The following EEF2K variants were observed in gnomAD, a reference collection of about 807,000 sequenced individuals.
EEF2K encodes the protein eukaryotic elongation factor 2 kinase.
A neutral mutation model predicts 93.8 loss-of-function variants in EEF2K; 70 were observed. The observed-to-expected ratio is 0.75, with a 90% confidence interval of 0.62 to 0.91. The LOEUF (loss-of-function observed/expected upper bound fraction) is 0.91. Ranked by LOEUF, EEF2K falls within the 40% of genes least tolerant of loss-of-function variation. The pLI is 0.00. For synonymous variants in EEF2K, 376 were observed against 380.8 expected (o/e 0.99, Z 0.15); for missense variants, 935 against 972.9 (o/e 0.96, Z 0.52).
intron 2 of EEF2K, among the ~76,000 whole-genome samples, chr16:22,244,270 TGTG>T (rs1200868808): frequency 3.8e-4 from 13 of 34,166 alleles, no homozygotes; most frequent in East Asian, 2.0e-3. Flanking sequence ...ATATATGTAT[TGTG>T]TGTGTGTGTG....
chr16:22,275,488 GC>G (rs2047625668), intron 16 of EEF2K, among the ~76,000 whole-genome samples: 1 of 151,474 alleles, frequency 6.6e-6, no homozygotes. Context: ...TATTACAGGT[GC>G]CTGCCACTGT....
chr16:22,234,162 C>T (rs567801670), intron 2 of EEF2K, among the ~76,000 whole-genome samples: 14 of 152,202 alleles, frequency 9.2e-5, no homozygotes, highest in Non-Finnish European at 1.3e-4. Context: ...TCGGTTGCTC[C>T]TCAAAGAGGT....
At chr16:22,269,700 C>T (rs1445655874) in intron 15 of EEF2K, among the ~76,000 whole-genome samples, 1 of 152,122 alleles carries the variant, frequency 6.6e-6, no homozygotes, top group African/African-American at 2.4e-5. Flanking sequence ...CAGTGCCCAG[C>T]CAGTATAACT....
At chr16:22,248,957 T>A (rs2047321898) in intron 4 of EEF2K, 142 bp downstream of exon 4, 1 of 865,526 alleles carries the variant, frequency 1.2e-6, no homozygotes. Context: ...TGTTTATTTA[T>A]TGGTTGTAGC....
chr16:22,252,772 C>T (rs1177035893), intron 6 of EEF2K, among the ~76,000 whole-genome samples: 1 of 152,118 alleles, frequency 6.6e-6, no homozygotes, highest in African/African-American at 2.4e-5. Context: ...GCTGGGGAGG[C>T]CTCACAATCA....
At chr16:22,260,420 A>G (rs749015105) in intron 10 of EEF2K, 42 bp from the exon 11 acceptor site, 4 of 1,612,442 alleles carry the variant, frequency 2.5e-6, no homozygotes, top group South Asian at 1.1e-5. Flanking sequence ...TGCATGTTCC[A>G]GTAGTGGAAC....
At chr16:22,263,333 T>C (rs1598197701) in intron 12 of EEF2K, 146 bp downstream of exon 12, 1 of 630,464 alleles carries the variant, frequency 1.6e-6, no homozygotes, top group South Asian at 2.4e-5. Flanking sequence ...TTCAGGCCGG[T>C]CATGGTGGCT....
chr16:22,268,247 C>T (rs1038794166), intron 15 of EEF2K, among the ~76,000 whole-genome samples: 9 of 151,938 alleles, frequency 5.9e-5, no homozygotes, highest in South Asian at 4.2e-4. Flanking sequence ...GGTGCGATCT[C>T]GGCTCAATGC....
At chr16:22,258,907 C>CT (rs2047436094) in intron 10 of EEF2K, 1 of 548,912 alleles carries the variant, frequency 1.8e-6, no homozygotes, top group Non-Finnish European at 3.0e-6. Context: ...AACAAAGTAA[C>CT]TTTTATCAGT....
intron 1 of EEF2K, among the ~76,000 whole-genome samples, chr16:22,212,291 G>A (rs2046922152): frequency 6.6e-6 from 1 of 151,900 alleles, no homozygotes; most frequent in East Asian, 1.9e-4. Flanking sequence ...GCAGCAGGTT[G>A]CTGTTTACAT....
At chr16:22,213,011 G>A (rs1355392508) in intron 1 of EEF2K, among the ~76,000 whole-genome samples, 1 of 152,102 alleles carries the variant, frequency 6.6e-6, no homozygotes, top group African/African-American at 2.4e-5. Context: ...CAGGCACAGT[G>A]GCTCACGCCT....
Position 22,225,978 on chromosome 16 carries a change from G to C in EEF2K, c.246+3G>C, listed in dbSNP as rs746409325. 3.1e-6 allele frequency: 5 copies of C among 1,613,468 alleles called. No individual in the cohort carries two copies. The highest frequency in any genetic ancestry group is 1.7e-6 in the Non-Finnish European group (2 of 1,179,488). On this transcript the variant is annotated splice_donor_region_variant and intron_variant, in intron 2 of 17. Coordinates refer to ENST00000263026, the MANE Select transcript of EEF2K (RefSeq NM_013302.5). ...CGGCAAACTCCTTCCACTTCAAGGT[G>C]AGTGAGCCACCTATTCCACCTTCCC...
At chr16:22,259,306 G>T (rs2047440149) in intron 10 of EEF2K, among the ~76,000 whole-genome samples, 1 of 152,238 alleles carries the variant, frequency 6.6e-6, no homozygotes, top group African/African-American at 2.4e-5. Context: ...TTCAGGGAAA[G>T]TGTGAGCGGG....
intron 1 of EEF2K, among the ~76,000 whole-genome samples, chr16:22,211,450 T>C (rs1001387353): frequency 3.9e-5 from 6 of 152,146 alleles, no homozygotes; most frequent in Non-Finnish European, 7.3e-5. Context: ...TTTTTGTTTG[T>C]TTGTTTTTTC....
chr16:22,221,091 G>T (rs546799740), intron 1 of EEF2K, among the ~76,000 whole-genome samples: 1 of 152,230 alleles, frequency 6.6e-6, no homozygotes, highest in African/African-American at 2.4e-5. Context: ...AGTAGTTCAC[G>T]TTGGTTTTCA....
chr16:22,275,306 TTTA>T lies in EEF2K; in HGVS notation c.1889+1559_1889+1561del, dbSNP rs536181196. ...ATTAACCCTTTGGTATACTTTTCTC[TTTA>T]TTTTTTATTTTTATTTTTTAATTAT... On this transcript the variant is annotated intron_variant, in intron 16 of 17. Coordinates refer to ENST00000263026, the MANE Select transcript of EEF2K (RefSeq NM_013302.5). 5.4e-3 allele frequency among the ~76,000 whole-genome samples: 823 copies of T among 151,714 alleles called. 12 individuals are homozygous for T. Among genetic ancestry groups the T allele is most frequent in the Non-Finnish European group, 9.0e-3 (613 of 67,880 alleles).
chr16:22,209,793 C>A (rs895847048), intron 1 of EEF2K, among the ~76,000 whole-genome samples: 1 of 152,146 alleles, frequency 6.6e-6, no homozygotes, highest in Non-Finnish European at 1.5e-5. Flanking sequence ...AAGGAGGCTT[C>A]TTTTTTGTTG....
At chr16:22,211,617 C>T (rs2046915028) in intron 1 of EEF2K, among the ~76,000 whole-genome samples, 1 of 151,974 alleles carries the variant, frequency 6.6e-6, no homozygotes, top group African/African-American at 2.4e-5. Context: ...CGTGTGCCAC[C>T]ACACCTGGCT....
At chr16:22,227,567 G>C (rs1022358398) in intron 2 of EEF2K, among the ~76,000 whole-genome samples, 5 of 152,120 alleles carry the variant, frequency 3.3e-5, no homozygotes, top group African/African-American at 4.8e-5. Flanking sequence ...CCGTTTGGTA[G>C]GTGCCAGCGT....
Sources: allele counts gnomAD v4.1 joint callset (sites outside exome capture counted in the v4.1 genomes callset), GRCh38; gene constraint gnomAD v4.1.1; transcripts MANE v1.5; gene names NCBI Gene and HGNC (gene_info 2026-07-23, HGNC 2026-07-21).